Variants in NELL1 observed in about 807,000 individuals in gnomAD.
NELL1 encodes protein kinase C-binding protein NELL1.
In NELL1, 76 loss-of-function variants were observed where a neutral mutation model predicts 107.4. That is an observed-to-expected ratio of 0.71 (90% CI 0.59 to 0.86). The LOEUF is 0.86. NELL1 is among the 40% of genes least tolerant of loss of function. The pLI, the probability that NELL1 is intolerant of heterozygous loss-of-function variation, is 0.00. For synonymous variants in NELL1, 353 were observed against 341.2 expected, an observed-to-expected ratio of 1.03 and a Z score of -0.38; for missense variants, 1,024 against 1,005.5, an observed-to-expected ratio of 1.02 and a Z score of -0.25.
intron 4 of NELL1, among the ~76,000 whole-genome samples, chr11:20,871,151 T>C (rs975427064): frequency 6.6e-6 from 1 of 152,204 alleles, no homozygotes; most frequent in Admixed American, 6.5e-5. Context: ...ATGCCCTTAA[T>C]ATATTAATTA....
chr11:20,731,227 T>A (rs991442686), intron 2 of NELL1, among the ~76,000 whole-genome samples: 17 of 152,230 alleles, frequency 1.1e-4, no homozygotes, highest in African/African-American at 4.1e-4. Flanking sequence ...TCAGATACTC[T>A]GTGAATGTCT....
intron 11 of NELL1, among the ~76,000 whole-genome samples, chr11:20,950,653 G>A (rs1243100085): frequency 1.3e-5 from 2 of 152,156 alleles, no homozygotes; most frequent in Non-Finnish European, 2.9e-5. Context: ...ATGAAAAGTC[G>A]AGAAACACTC....
At chr11:20,853,290 A>G (rs1564934641) in intron 4 of NELL1, among the ~76,000 whole-genome samples, 1 of 152,230 alleles carries the variant, frequency 6.6e-6, no homozygotes. Context: ...TCCATGTTTC[A>G]TATTTGAAGC....
chr11:21,039,084 A>G (rs1377900019), intron 12 of NELL1, among the ~76,000 whole-genome samples: 1 of 152,144 alleles, frequency 6.6e-6, no homozygotes, highest in Non-Finnish European at 1.5e-5. Context: ...AAGTGACACT[A>G]GTGGGAGATA....
intron 12 of NELL1, among the ~76,000 whole-genome samples, chr11:20,961,616 A>G (rs1158307705): frequency 1.3e-5 from 2 of 152,304 alleles, no homozygotes; most frequent in Non-Finnish European, 2.9e-5. Context: ...TCTCTATCTC[A>G]TAGTTGACCC....
chr11:21,282,218 C>T (rs770398373), intron 14 of NELL1, among the ~76,000 whole-genome samples: 21 of 152,150 alleles, frequency 1.4e-4, no homozygotes, highest in Non-Finnish European at 2.2e-4. Context: ...CAAAAGAAGA[C>T]ATACAAATGG....
At chr11:21,519,673 TG>T (rs1217680211) in intron 15 of NELL1, among the ~76,000 whole-genome samples, 1 of 152,026 alleles carries the variant, frequency 6.6e-6, no homozygotes, top group East Asian at 1.9e-4. Context: ...AAAATCTGTA[TG>T]GTGCCTGCCC....
intron 12 of NELL1, among the ~76,000 whole-genome samples, chr11:21,094,828 G>T (rs115540518): frequency 0.011 from 1,663 of 152,270 alleles, 28 homozygotes; most frequent in African/African-American, 0.038. Flanking sequence ...CTAGGCCACT[G>T]GGCCTGTGAT....
At chr11:21,290,298 G>A (rs1590808761) in intron 14 of NELL1, among the ~76,000 whole-genome samples, 1 of 152,050 alleles carries the variant, frequency 6.6e-6, no homozygotes, top group Middle Eastern at 3.4e-3. Flanking sequence ...GAACCCGGGA[G>A]GTGGAGCTTG....
chr11:21,152,396 G>GT (rs1441689061), intron 13 of NELL1, among the ~76,000 whole-genome samples: 2 of 152,102 alleles, frequency 1.3e-5, no homozygotes, highest in Non-Finnish European at 2.9e-5. Context: ...TTAAAATGAG[G>GT]TGCATACTAA....
At chr11:21,158,968 C>T (rs1361870187) in intron 13 of NELL1, among the ~76,000 whole-genome samples, 2 of 151,938 alleles carry the variant, frequency 1.3e-5, no homozygotes, top group Admixed American at 6.6e-5. Flanking sequence ...AATGATTGGC[C>T]TGTTTTTCTG....
rs139945486 is a variant in NELL1 at position 21,304,721 on chromosome 11, A to G, written c.1550-66132A>G. Reference sequence around the variant, plus strand: ...CCTGTTGTATTTTTTTAAAGAGTATATATCACCTAATATTCTGTATCATCG... The same window carrying G: ...CCTGTTGTATTTTTTTAAAGAGTATGTATCACCTAATATTCTGTATCATCG... On this transcript the variant is annotated intron_variant, in intron 14 of 19. Coordinates refer to ENST00000357134, the MANE Select transcript of NELL1 (RefSeq NM_006157.5). 2.2e-3 allele frequency among the ~76,000 whole-genome samples: 331 copies of G among 152,034 alleles called. 2 individuals are homozygous for G. The highest frequency in any genetic ancestry group is 7.9e-3 in the African/African-American group (326 of 41,486).
intron 2 of NELL1, among the ~76,000 whole-genome samples, chr11:20,680,973 C>A (rs1317115802): frequency 6.6e-6 from 1 of 152,092 alleles, no homozygotes; most frequent in Non-Finnish European, 1.5e-5. Context: ...TGTCTCTATT[C>A]CTGACTACTA....
At chr11:21,385,759 G>A (rs1348478413) in intron 15 of NELL1, among the ~76,000 whole-genome samples, 2 of 151,866 alleles carry the variant, frequency 1.3e-5, no homozygotes, top group African/African-American at 4.8e-5. Context: ...CCTTCTTACA[G>A]TAGCATCAAT....
chr11:21,054,366 CTAA>C (rs1473093692), intron 12 of NELL1, among the ~76,000 whole-genome samples: 3 of 151,874 alleles, frequency 2.0e-5, no homozygotes, highest in Non-Finnish European at 4.4e-5. Flanking sequence ...CTATAGTTAT[CTAA>C]TGTTTAATAT....
chr11:21,501,556 A>T (rs1291486100), intron 15 of NELL1, among the ~76,000 whole-genome samples: 1 of 152,180 alleles, frequency 6.6e-6, no homozygotes, highest in Non-Finnish European at 1.5e-5. Flanking sequence ...AGTCATCAAC[A>T]ATGAACTGGA....
intron 14 of NELL1, among the ~76,000 whole-genome samples, chr11:21,286,349 A>G (rs1849113728): frequency 6.6e-6 from 1 of 152,202 alleles, no homozygotes; most frequent in African/African-American, 2.4e-5. Flanking sequence ...TTTACTGGCC[A>G]TTAGACATGT....
intron 2 of NELL1, among the ~76,000 whole-genome samples, chr11:20,764,638 G>A (rs369983973): frequency 1.3e-5 from 2 of 149,012 alleles, no homozygotes; most frequent in East Asian, 2.0e-4. Flanking sequence ...AGTCTCTCAG[G>A]GTGCAGACTG....
chr11:20,705,388 A>G (rs1854919278), intron 2 of NELL1, among the ~76,000 whole-genome samples: 1 of 152,136 alleles, frequency 6.6e-6, no homozygotes, highest in South Asian at 2.1e-4. Flanking sequence ...GATCTTTGAC[A>G]AACCTGACAA....
Sources: gnomAD v4.1 joint callset for allele counts (sites outside exome capture counted in the v4.1 genomes callset) on GRCh38, gnomAD v4.1.1 for gene constraint, MANE v1.5 for transcripts, NCBI Gene and HGNC (gene_info 2026-07-23, HGNC 2026-07-21) for gene names.